The following SEMA3D variants were observed in gnomAD, a reference collection of about 807,000 sequenced individuals.
SEMA3D encodes semaphorin 3D.
SEMA3D carries 84 observed loss-of-function variants against 100.1 expected under a neutral mutation model. The observed-to-expected ratio is 0.84, with a 90% confidence interval of 0.70 to 1.01. The LOEUF (loss-of-function observed/expected upper bound fraction) is 1.01, where lower values mean the gene tolerates loss of function less well. Ranked by LOEUF, SEMA3D falls within the 50% of genes least tolerant of loss-of-function variation. SEMA3D has a pLI of 0.00. For synonymous variants in SEMA3D, 312 were observed against 320.7 expected, an observed-to-expected ratio of 0.97 and a Z score of 0.29; for missense variants, 875 against 934.1, an observed-to-expected ratio of 0.94 and a Z score of 0.82.
the SEMA3D span, among the ~76,000 whole-genome samples, chr7:85,209,539 C>A: frequency 1.3e-5 from 2 of 151,982 alleles, no homozygotes; most frequent in South Asian, 4.2e-4. Context: ...TCTCACTAAT[C>A]GATTACTTAA....
Position 85,184,477 on chromosome 7 carries a change from AT to A in SEMA3D, c.-173+2200del, listed in dbSNP as rs1791486860. 3.3e-5 allele frequency among the ~76,000 whole-genome samples: 5 copies of A among 152,210 alleles called. No individual in the cohort carries two copies. The South Asian group carries it at 1.0e-3, about 32-fold the overall frequency. On this transcript the variant is annotated intron_variant, in intron 1 of 18. Coordinates refer to ENST00000284136, the MANE Select transcript of SEMA3D (RefSeq NM_001384900.1). ...AAAATGGGACAATACCCATTTATAA[AT>A]CTTTATGTCTTTGTTTTTTTTTTCT...
chr7:85,083,362 A>G (rs1188150192), intron 4 of SEMA3D, among the ~76,000 whole-genome samples: 2 of 152,210 alleles, frequency 1.3e-5, no homozygotes, highest in Non-Finnish European at 2.9e-5. Context: ...TGGGCAATGC[A>G]TGGACCAATG....
chr7:85,055,568 A>G (rs1384472033), intron 9 of SEMA3D, 149 bp downstream of exon 9: 1 of 181,288 alleles, frequency 5.5e-6, no homozygotes, highest in Non-Finnish European at 1.1e-5. Context: ...TTACACATCT[A>G]GGGTAGTATG....
At chr7:85,165,041 T>C (rs1273418696) in intron 1 of SEMA3D, among the ~76,000 whole-genome samples, 2 of 144,056 alleles carry the variant, frequency 1.4e-5, no homozygotes, top group African/African-American at 5.1e-5. Flanking sequence ...TTCCCCTTCC[T>C]GTGTCCCTGT....
At chr7:85,161,023 G>A (rs1790732238) in intron 1 of SEMA3D, among the ~76,000 whole-genome samples, 1 of 152,092 alleles carries the variant, frequency 6.6e-6, no homozygotes, top group Non-Finnish European at 1.5e-5. Flanking sequence ...ACATCAGTCG[G>A]ACAATGTAAA....
rs140390491 is a variant in SEMA3D, at chr7:85,185,692, C to T, written c.-173+986G>A. Among the ~76,000 whole-genome samples, 311 of 152,308 alleles carry T rather than the reference C, an allele frequency of 2.0e-3. 1 individual carries two copies. The highest frequency in any genetic ancestry group is 7.3e-3 in the African/African-American group (305 of 41,584). The stretch of plus-strand genomic sequence containing the variant: ...CGGCGTCTCCTCCTCCTGTCAACTT[C>T]CCTCCTTGCACTGTGACGGAGGCAA... On this transcript the variant is annotated intron_variant, in intron 1 of 18. Coordinates refer to ENST00000284136, the MANE Select transcript of SEMA3D (RefSeq NM_001384900.1).
chr7:85,100,652 A>T (rs1788716999), intron 3 of SEMA3D, among the ~76,000 whole-genome samples: 1 of 151,922 alleles, frequency 6.6e-6, no homozygotes, highest in Non-Finnish European at 1.5e-5. Flanking sequence ...TAACCTCTGT[A>T]AAAATGATAT....
intron 1 of SEMA3D, among the ~76,000 whole-genome samples, chr7:85,174,833 C>A (rs1322357248): frequency 6.6e-5 from 10 of 152,046 alleles, no homozygotes; most frequent in Admixed American, 6.6e-4. Context: ...AAAATCGTAG[C>A]CAGAGCCCCT....
At chr7:85,117,812 C>A (rs75864050) in intron 3 of SEMA3D, among the ~76,000 whole-genome samples, 2 of 133,760 alleles carry the variant, frequency 1.5e-5, no homozygotes, top group Non-Finnish European at 3.0e-5. Context: ...ATGTATGTAT[C>A]TATCTACCAT....
intron 3 of SEMA3D, among the ~76,000 whole-genome samples, chr7:85,103,060 T>G (rs1246837333): frequency 1.3e-5 from 2 of 152,072 alleles, no homozygotes. Context: ...TATTAAAATT[T>G]CTTAGGCTGA....
chr7:85,062,650 T>C (rs1329981790), intron 8 of SEMA3D, among the ~76,000 whole-genome samples: 2 of 152,202 alleles, frequency 1.3e-5, no homozygotes, highest in Non-Finnish European at 2.9e-5. Context: ...CAAAGGGTCA[T>C]TAAACCACTT....
At chr7:85,146,461 G>A (rs1790206914) in intron 2 of SEMA3D, among the ~76,000 whole-genome samples, 1 of 151,828 alleles carries the variant, frequency 6.6e-6, no homozygotes, top group African/African-American at 2.4e-5. Flanking sequence ...GGCTGAGGAA[G>A]GGGAATCCCT....
intron 5 of SEMA3D, among the ~76,000 whole-genome samples, chr7:85,080,338 G>A (rs1562809106): frequency 1.3e-5 from 2 of 152,098 alleles, no homozygotes; most frequent in East Asian, 3.9e-4. Context: ...GAACTAACCT[G>A]TTGTCTGAGA....
chr7:85,249,886 A>T, the SEMA3D span, among the ~76,000 whole-genome samples: 1 of 152,226 alleles, frequency 6.6e-6, no homozygotes, highest in African/African-American at 2.4e-5. Flanking sequence ...GAATAGGAAC[A>T]GCTCCAGTCT....
the SEMA3D span, among the ~76,000 whole-genome samples, chr7:85,227,654 T>C: frequency 2.0e-5 from 3 of 152,130 alleles, no homozygotes; most frequent in Admixed American, 1.3e-4. Flanking sequence ...ATGACAAATA[T>C]ATAAAATATA....
chr7:85,078,045 T>C (rs949830157), intron 5 of SEMA3D, among the ~76,000 whole-genome samples: 3 of 151,992 alleles, frequency 2.0e-5, no homozygotes, highest in African/African-American at 4.8e-5. Flanking sequence ...TGGCAGTCTG[T>C]GAAGTAAAAA....
the SEMA3D span, among the ~76,000 whole-genome samples, chr7:85,207,947 C>T: frequency 4.6e-5 from 7 of 151,948 alleles, no homozygotes; most frequent in Middle Eastern, 6.8e-3. Flanking sequence ...GTCAGTTAGA[C>T]GAAAATATCT....
the SEMA3D span, among the ~76,000 whole-genome samples, chr7:85,234,271 G>A: frequency 6.6e-6 from 1 of 152,150 alleles, no homozygotes; most frequent in Non-Finnish European, 1.5e-5. Context: ...AGTGTCCCTG[G>A]GCAATACTTG....
intron 3 of SEMA3D, among the ~76,000 whole-genome samples, chr7:85,107,825 T>C (rs1408159175): frequency 6.6e-6 from 1 of 152,042 alleles, no homozygotes; most frequent in Non-Finnish European, 1.5e-5. Context: ...TTTTCTATTC[T>C]CCGTTCTTGA....
Sources: allele counts gnomAD v4.1 joint callset (sites outside exome capture counted in the v4.1 genomes callset), GRCh38; gene constraint gnomAD v4.1.1; transcripts MANE v1.5; gene names NCBI Gene and HGNC (gene_info 2026-07-23, HGNC 2026-07-21).